Variants in MRC1 observed in about 807,000 individuals in gnomAD.
MRC1 encodes macrophage mannose receptor 1.
In MRC1, 62 loss-of-function variants were observed where a neutral mutation model predicts 102.9. The observed-to-expected ratio is 0.60, with a 90% CI of 0.49 to 0.74. The LOEUF (loss-of-function observed/expected upper bound fraction) is 0.74, where lower values mean the gene tolerates loss of function less well. Ranked by LOEUF, MRC1 falls within the 30% of genes least tolerant of loss-of-function variation. The pLI is 0.00. For missense variants in MRC1, 1,237 were observed against 862.8 expected, an observed-to-expected ratio of 1.43 and a Z score of -5.43; for synonymous variants, 457 against 298.4, an observed-to-expected ratio of 1.53 and a Z score of -5.48.
intron 21 of MRC1, among the ~76,000 whole-genome samples, chr10:17,884,165 C>T (rs915432603): frequency 3.9e-5 from 6 of 152,148 alleles, no homozygotes; most frequent in East Asian, 1.9e-4. Context: ...GACAGGGTGT[C>T]GCCATGTTGC....
At chr10:17,890,863 A>C (rs1333892003) in intron 22 of MRC1, among the ~76,000 whole-genome samples, 2 of 152,082 alleles carry the variant, frequency 1.3e-5, no homozygotes, top group Admixed American at 1.3e-4. Flanking sequence ...GCTAAGCTTC[A>C]TCTATATTTA....
chr10:17,879,424 G>T (rs1346979155), intron 18 of MRC1, among the ~76,000 whole-genome samples: 2 of 152,172 alleles, frequency 1.3e-5, no homozygotes, highest in Non-Finnish European at 2.9e-5. Context: ...GTGCGATCTT[G>T]GTTCACTGCA....
intron 26 of MRC1, among the ~76,000 whole-genome samples, chr10:17,903,290 T>C (rs1488738128): frequency 6.6e-6 from 1 of 152,040 alleles, no homozygotes; most frequent in African/African-American, 2.4e-5. Context: ...TTTCTATATG[T>C]CTTATGGTCC....
At chr10:17,860,153 G>A (rs2130658842) in intron 9 of MRC1, among the ~76,000 whole-genome samples, 1 of 152,154 alleles carries the variant, frequency 6.6e-6, no homozygotes, top group East Asian at 1.9e-4. Context: ...TTTAATTTGT[G>A]CATTTTCCAT....
chr10:17,823,902 AT>A (rs1304928702), intron 2 of MRC1, among the ~76,000 whole-genome samples: 1 of 152,212 alleles, frequency 6.6e-6, no homozygotes, highest in Non-Finnish European at 1.5e-5. Context: ...TTCTTTCCCA[AT>A]TTAGATTGCC....
chr10:17,907,513 T>C, intron 27 of MRC1, 21 bp from the exon 28 acceptor site: 1 of 780,682 alleles, frequency 1.3e-6, no homozygotes, highest in South Asian at 1.3e-5. Flanking sequence ...TTTGTCTTTA[T>C]TGGTTTTATC....
intron 7 of MRC1, among the ~76,000 whole-genome samples, chr10:17,852,178 C>T (rs1838927143): frequency 6.6e-6 from 1 of 152,134 alleles, no homozygotes. Flanking sequence ...TTTAGCATGG[C>T]ACCTACTTAT....
chr10:17,818,445 T>G (rs1329170925), intron 1 of MRC1, among the ~76,000 whole-genome samples: 1 of 152,086 alleles, frequency 6.6e-6, no homozygotes, highest in Non-Finnish European at 1.5e-5. Flanking sequence ...AAAAATATAT[T>G]TTAAGATGGT....
rs976525245 is a variant in MRC1 at position 17,816,973 on chromosome 10, C to A, written c.62-6101C>A. On this transcript the variant is annotated intron_variant, in intron 1 of 29. Coordinates refer to ENST00000569591, the MANE Select transcript of MRC1 (RefSeq NM_002438.4). ...ATGCTTAAAAAAAATCCAGGCCAGG[C>A]GCGGTGGCTCATGCCTGTAATCCCA... 2.6e-4 allele frequency among the ~76,000 whole-genome samples: 40 copies of A among 152,188 alleles called. 1 individual carries two copies. The highest frequency in any genetic ancestry group is 9.4e-4 in the African/African-American group (39 of 41,526).
At chr10:17,875,968 T>G (rs1040650614) in intron 17 of MRC1, among the ~76,000 whole-genome samples, 2 of 152,198 alleles carry the variant, frequency 1.3e-5, no homozygotes, top group African/African-American at 2.4e-5. Flanking sequence ...CTTGCAGGAG[T>G]AAAGTGGTGT....
intron 9 of MRC1, 71 bp downstream of exon 9, chr10:17,856,423 G>A (rs1218513448): frequency 6.5e-5 from 52 of 796,780 alleles, no homozygotes; most frequent in Non-Finnish European, 7.9e-5. Flanking sequence ...TTATTTTTAT[G>A]TGTGAAAGTG....
rs530636801 is a variant in MRC1 at position 17,837,003 on chromosome 10, C to T, written c.802+3164C>T. 4.6e-5 allele frequency among the ~76,000 whole-genome samples: 7 copies of T among 152,224 alleles called. No homozygotes were observed. The East Asian group carries it at 9.7e-4, about 21-fold the overall frequency. The stretch of plus-strand genomic sequence containing the variant: ...GGGACAGAGCACAGGTTACTTTGTG[C>T]GCTCTCCACCAGCTACAGAGAAGGA... On this transcript the variant is annotated intron_variant, in intron 4 of 29. Coordinates refer to ENST00000569591, the MANE Select transcript of MRC1 (RefSeq NM_002438.4).
chr10:17,813,626 A>T (rs1357784289), intron 1 of MRC1, among the ~76,000 whole-genome samples: 10 of 148,248 alleles, frequency 6.7e-5, no homozygotes, highest in African/African-American at 2.5e-4. Flanking sequence ...ACATAGGGCT[A>T]GATTTTATAT....
chr10:17,847,285 T>TA (rs1838840200), intron 6 of MRC1, among the ~76,000 whole-genome samples: 1 of 152,238 alleles, frequency 6.6e-6, no homozygotes, highest in Admixed American at 6.5e-5. Flanking sequence ...AACTTGGCCT[T>TA]ACTGCTTAAC....
intron 9 of MRC1, among the ~76,000 whole-genome samples, chr10:17,860,525 A>T (rs975808329): frequency 2.6e-5 from 4 of 152,124 alleles, no homozygotes; most frequent in Non-Finnish European, 4.4e-5. Context: ...TCATCCTCCC[A>T]ACTTCGACTC....
At chr10:17,907,504 T>C (rs1833911554) in intron 27 of MRC1, 30 bp from the exon 28 acceptor site, 8 of 780,422 alleles carry the variant, frequency 1.0e-5, no homozygotes, top group Non-Finnish European at 1.9e-5. Flanking sequence ...TATTTAACTT[T>C]TGTCTTTATT....
At chr10:17,826,658 T>C (rs1554838674) in intron 2 of MRC1, among the ~76,000 whole-genome samples, 1 of 152,222 alleles carries the variant, frequency 6.6e-6, no homozygotes, top group Non-Finnish European at 1.5e-5. Context: ...GCTATGTGCA[T>C]TGTTTGGTTC....
intron 28 of MRC1, among the ~76,000 whole-genome samples, 186 bp downstream of exon 28, chr10:17,907,884 T>A (rs1420749874): frequency 2.0e-5 from 3 of 152,228 alleles, no homozygotes; most frequent in Non-Finnish European, 4.4e-5. Context: ...TGAGAGACAC[T>A]CTCTGTCTGC....
chr10:17,867,085 C>T (rs1396760202), intron 12 of MRC1, among the ~76,000 whole-genome samples: 1 of 143,590 alleles, frequency 7.0e-6, no homozygotes, highest in Admixed American at 6.9e-5. Context: ...TCCCCCCTTG[C>T]CCTCTTCCTC....
Sources: allele counts gnomAD v4.1 joint callset (sites outside exome capture counted in the v4.1 genomes callset), GRCh38; gene constraint gnomAD v4.1.1; transcripts MANE v1.5; gene names NCBI Gene and HGNC (gene_info 2026-07-23, HGNC 2026-07-21).